ALMS1: variants seen among roughly 807,000 people sequenced by gnomAD.
ALMS1 encodes the protein centrosome-associated protein ALMS1.
Under a neutral mutation model 352.2 loss-of-function variants are expected in ALMS1, and 271 were observed. That is an observed-to-expected ratio of 0.77 (90% confidence interval 0.70 to 0.85). The LOEUF is 0.85. Ranked by LOEUF, ALMS1 falls within the 40% of genes least tolerant of loss-of-function variation. The pLI is 0.00. For missense variants in ALMS1, 5,445 were observed against 4,870.7 expected (o/e 1.12, Z -3.51); for synonymous variants, 1,865 against 1,761.2 (o/e 1.06, Z -1.48).
At chr2:73,563,733 A>T (rs568002728) in intron 15 of ALMS1, among the ~76,000 whole-genome samples, 109 of 142,414 alleles carry the variant, frequency 7.7e-4, no homozygotes, top group East Asian at 4.7e-3. Context: ...AAAAAAAAAA[A>T]AAAAAAATAA....
chr2:73,564,822 G>A (rs1674769982), intron 15 of ALMS1, among the ~76,000 whole-genome samples: 1 of 152,170 alleles, frequency 6.6e-6, no homozygotes, highest in South Asian at 2.1e-4. Flanking sequence ...TAAGAAAACT[G>A]CCTGTTTTAA....
At chr2:73,491,633 A>G (rs979341154) in intron 10 of ALMS1, 135 bp downstream of exon 10, 49 of 935,538 alleles carry the variant, frequency 5.2e-5, no homozygotes, top group Non-Finnish European at 4.2e-5. Flanking sequence ...GCTAATTACT[A>G]GAAGTCTTTC....
intron 12 of ALMS1, among the ~76,000 whole-genome samples, chr2:73,546,487 A>G (rs987466877): frequency 6.6e-6 from 1 of 152,238 alleles, no homozygotes; most frequent in Non-Finnish European, 1.5e-5. Flanking sequence ...GTATTGCTCA[A>G]AATAAACTAT....
chr2:73,386,296 ACG>A, intron 1 of ALMS1, 104 bp downstream of exon 1: 15 of 1,396,952 alleles, frequency 1.1e-5, no homozygotes, highest in Non-Finnish European at 1.3e-5. Context: ...GACGGAGAAA[ACG>A]CGCGCAGCTG....
At chr2:73,488,052 C>T (rs529561280) in intron 9 of ALMS1, among the ~76,000 whole-genome samples, 1 of 152,334 alleles carries the variant, frequency 6.6e-6, no homozygotes, top group South Asian at 2.1e-4. Flanking sequence ...ATAAGTTCTC[C>T]TTTCTGCGAA....
At chr2:73,599,564 A>G (rs746932918) in intron 17 of ALMS1, 43 bp downstream of exon 17, 10 of 1,595,982 alleles carry the variant, frequency 6.3e-6, no homozygotes, top group African/African-American at 2.7e-5. Flanking sequence ...ATACATTGAA[A>G]TGGCTCTTAA....
intron 16 of ALMS1, among the ~76,000 whole-genome samples, chr2:73,593,133 A>T (rs1675466694): frequency 6.6e-6 from 1 of 151,652 alleles, no homozygotes; most frequent in South Asian, 2.1e-4. Context: ...GGACTCTCCC[A>T]CGGACTAAGG....
Position 73,422,938 on chromosome 2 carries a change from T to C in ALMS1, c.728T>C (p.Leu243Ser), listed in dbSNP as rs2103710678. 6 of 1,613,708 alleles carry C rather than the reference T, an allele frequency of 3.7e-6. No homozygotes were observed. The highest frequency in any genetic ancestry group is 1.1e-5 in the South Asian group (1 of 91,074). The change falls in exon 4 of 23, where the codon TTA becomes TCA. Residue 243 changes from leucine to serine, a missense_variant. Leu to Ser is a moderately radical substitution (Grantham distance 145). Transcript: ENST00000613296. ...GACCAAGAATTTGCGCCTGATTCTT[T>C]ATTTCATCAAAGTGAACTAAGTTTT... The part of the protein sequence containing the change: ...TQDQEFAPDS[L>S]FHQSELSFAP...
chr2:73,509,473 G>A (rs1673404773), intron 10 of ALMS1, among the ~76,000 whole-genome samples: 1 of 152,090 alleles, frequency 6.6e-6, no homozygotes, highest in African/African-American at 2.4e-5. Flanking sequence ...AAATCCCTCA[G>A]CATTTACCTG....
intron 1 of ALMS1, among the ~76,000 whole-genome samples, chr2:73,407,651 GTAATGAACTCTC>G (rs1464269221): frequency 6.6e-6 from 1 of 152,132 alleles, no homozygotes; most frequent in East Asian, 1.9e-4. Context: ...AGGTCTAGTG[GTAATGAACTCTC>G]TCAGCTTTTG....
At chr2:73,552,049 T>C (rs1674447974) in intron 13 of ALMS1, among the ~76,000 whole-genome samples, 1 of 152,158 alleles carries the variant, frequency 6.6e-6, no homozygotes, top group South Asian at 2.1e-4. Flanking sequence ...ATGGTTTTTT[T>C]TATTTTATTT....
At chr2:73,594,782 T>G (rs1675510468) in intron 16 of ALMS1, among the ~76,000 whole-genome samples, 1 of 152,190 alleles carries the variant, frequency 6.6e-6, no homozygotes, top group South Asian at 2.1e-4. Flanking sequence ...CCACCTCCTT[T>G]CCTGATGTGT....
chr2:73,394,820 A>G (rs575731879), intron 1 of ALMS1, among the ~76,000 whole-genome samples: 21 of 152,136 alleles, frequency 1.4e-4, no homozygotes, highest in Admixed American at 1.0e-3. Flanking sequence ...CCTAGGCTAT[A>G]TAGTCTAACT....
At position 73,450,355 on chromosome 2, in the gene ALMS1, T is replaced by C. The variant is rs1553403755; in HGVS notation, c.3828T>C (p.Thr1276=). 2.5e-6 allele frequency: 4 copies of C among 1,613,034 alleles called. No homozygotes were observed. The highest frequency in any genetic ancestry group is 1.7e-4 in the Middle Eastern group (1 of 6,058). The change falls in exon 8 of 23, where the codon ACT becomes ACC. Residue 1276 remains threonine, a synonymous_variant. Transcript: ENST00000613296. ...SVASEPVDQT[T]GTPAVTSTSY... is the part of the protein sequence containing the mutation. Reference sequence around the variant, plus strand: ...CCTCTGAACCAGTTGACCAGACAACTGGCACACCAGCTGTAACCTCTACTT... The same window carrying C: ...CCTCTGAACCAGTTGACCAGACAACCGGCACACCAGCTGTAACCTCTACTT...
chr2:73,480,391 C>A (rs1285614855), intron 9 of ALMS1, among the ~76,000 whole-genome samples: 10 of 152,116 alleles, frequency 6.6e-5, no homozygotes, highest in African/African-American at 1.4e-4. Flanking sequence ...CATGTCCCTA[C>A]AAAGGACATG....
At position 73,449,763 on chromosome 2, in the gene ALMS1, T is replaced by G. The variant is rs951258860; in HGVS notation, c.3236T>G (p.Phe1079Cys). Residue 1079 changes from phenylalanine to cysteine, a missense_variant, in exon 8 of 23, where the codon TTC (phenylalanine) becomes TGC (cysteine). By Grantham distance (205) the Phe-to-Cys change is radical. Coordinates refer to ENST00000613296, the MANE Select transcript of ALMS1 (RefSeq NM_001378454.1). ...GAAGAGAGTCTGAAAGTTTCAGCCT[T>G]CCCTGGACCAGCTGACCAGATGACT... ...LPEESLKVSA[F>C]PGPADQMTDT... 1 of 1,613,898 alleles carries G rather than the reference T, an allele frequency of 6.2e-7. No homozygotes were observed. Among genetic ancestry groups the G allele is most frequent in the Non-Finnish European group, 8.5e-7 (1 of 1,179,920 alleles).
chr2:73,474,669 A>G (rs1329129690), intron 9 of ALMS1, among the ~76,000 whole-genome samples: 3 of 152,086 alleles, frequency 2.0e-5, no homozygotes, highest in Non-Finnish European at 2.9e-5. Flanking sequence ...TGATGAGAGA[A>G]TAATATAACC....
intron 2 of ALMS1, among the ~76,000 whole-genome samples, chr2:73,412,417 C>CT (rs1181432098): frequency 2.0e-5 from 3 of 152,186 alleles, no homozygotes; most frequent in Admixed American, 6.5e-5. Flanking sequence ...AATTTGTCCA[C>CT]TTTAATTTTT....
chr2:73,515,681 C>T (rs924854635), intron 10 of ALMS1, among the ~76,000 whole-genome samples: 1 of 151,280 alleles, frequency 6.6e-6, no homozygotes, highest in Non-Finnish European at 1.5e-5. Flanking sequence ...ATTGACAGAC[C>T]ACTAACTAAA....
Sources: allele counts gnomAD v4.1 joint callset (sites outside exome capture counted in the v4.1 genomes callset), GRCh38; gene constraint gnomAD v4.1.1; transcripts MANE v1.5; gene names NCBI Gene and HGNC (gene_info 2026-07-23, HGNC 2026-07-21).